The following RHOBTB3 variants were observed in gnomAD, a reference collection of about 807,000 sequenced individuals.
The protein encoded by RHOBTB3 is rho-related BTB domain-containing protein 3.
RHOBTB3 carries 47 observed loss-of-function variants against 67.2 expected under a neutral mutation model. The ratio of observed to expected loss-of-function variants is 0.70; its 90% CI spans 0.55 to 0.89. RHOBTB3 has a LOEUF of 0.89. Ranked by LOEUF, RHOBTB3 falls within the 40% of genes least tolerant of loss-of-function variation. RHOBTB3 has a pLI of 0.00. For synonymous variants in RHOBTB3, 273 were observed against 274.2 expected (o/e 1.00, Z 0.04); for missense variants, 631 against 750.0 (o/e 0.84, Z 1.85).
At chr5:95,748,279 C>G in intron 3 of RHOBTB3, 54 bp from the exon 4 acceptor site, 1 of 1,385,604 alleles carries the variant, frequency 7.2e-7, no homozygotes, top group Non-Finnish European at 9.9e-7. Flanking sequence ...GTCTGTGTAC[C>G]TTTTTTTTCC....
chr5:95,748,360 G>A lies in RHOBTB3; in HGVS notation c.443G>A (p.Cys148Tyr). The A allele has an allele frequency of 1.2e-6, 2 of 1,610,824 alleles. No individual in the cohort carries two copies. Among genetic ancestry groups the A allele is most frequent in the Non-Finnish European group, 1.7e-6 (2 of 1,178,114 alleles). The change falls in exon 4 of 12, where the codon TGT (cysteine) becomes TAT (tyrosine). Residue 148 changes from cysteine (C) to tyrosine (Y), a missense_variant. Cys to Tyr is a radical substitution (Grantham distance 194). Coordinates refer to ENST00000379982, the MANE Select transcript of RHOBTB3 (RefSeq NM_014899.4). ...GAGTTACCTTGTACATGCCCACTAT[G>A]TACCTCAGACAGAGGGAGCTGTGTT... ...NEELPCTCPL[C>Y]TSDRGSCVST...
intron 8 of RHOBTB3, chr5:95,779,947 T>A: frequency 6.0e-6 from 2 of 332,490 alleles, no homozygotes; most frequent in Non-Finnish European, 1.1e-5. Flanking sequence ...GATTGATGTT[T>A]CATTATAAAA....
At position 95,780,369 on chromosome 5, in the gene RHOBTB3, C is replaced by A; in HGVS notation, c.1400C>A (p.Ser467Tyr). 6.2e-7 allele frequency: 1 copy of A among 1,614,046 alleles called. No individual in the cohort carries two copies. The highest frequency in any genetic ancestry group is 1.1e-5 in the South Asian group (1 of 91,082). The change falls in exon 9 of 12, where the codon TCC becomes TAC. Residue 467 changes from serine (S) to tyrosine (Y), a missense_variant. By Grantham distance (144) the Ser-to-Tyr change is moderately radical. Coordinates refer to ENST00000379982, the MANE Select transcript of RHOBTB3 (RefSeq NM_014899.4). ...GTCCTGATTCCCGTTTATGGTGTTT[C>A]CAAAGAGACTTTCTTGTCATTTTTA... ...KSVLIPVYGV[S>Y]KETFLSFLEY...
chr5:95,755,866 C>T lies in RHOBTB3; in HGVS notation c.1048+105C>T, dbSNP rs1387907757. 46 of 1,050,084 alleles carry T rather than the reference C, an allele frequency of 4.4e-5. 1 individual carries two copies. Among genetic ancestry groups the T allele is most frequent in the Non-Finnish European group, 6.1e-5 (44 of 723,400 alleles). The allele number at this position is 1,050,084 out of a possible 1,614,324, so 65.0% of individuals were successfully genotyped here. A position where few individuals can be genotyped will look rare whatever the true frequency, so the allele number is the denominator to read the frequency against. ...TGGTTAGTTTTACAGTGGTCTTTAC[C>T]TACCATCTGAGATTAAGATTATACA... On this transcript the variant is annotated intron_variant, in intron 6 of 11. Coordinates refer to ENST00000379982, the MANE Select transcript of RHOBTB3 (RefSeq NM_014899.4).
At chr5:95,781,862 A>G (rs945358072) in intron 9 of RHOBTB3, 1 of 152,224 alleles carries the variant, frequency 6.6e-6, no homozygotes, top group Non-Finnish European at 1.5e-5. Flanking sequence ...AAAAAGACTT[A>G]GTATTTTTGC....
chr5:95,737,211 G>C, intron 3 of RHOBTB3, 136 bp downstream of exon 3: 1 of 571,704 alleles, frequency 1.7e-6, no homozygotes, highest in Non-Finnish European at 3.0e-6. Context: ...AGCTGCTATC[G>C]CTTCATCATT....
chr5:95,747,776 G>A (rs1471086747), intron 3 of RHOBTB3, among the ~76,000 whole-genome samples: 2 of 152,194 alleles, frequency 1.3e-5, no homozygotes, highest in Non-Finnish European at 2.9e-5. Context: ...AGAGTTTAAT[G>A]ATTGAAATGT....
intron 8 of RHOBTB3, among the ~76,000 whole-genome samples, chr5:95,776,375 C>G (rs1232684845): frequency 6.6e-6 from 1 of 151,578 alleles, no homozygotes; most frequent in African/African-American, 2.4e-5. Context: ...CCACTTTACT[C>G]TAGCCGGAAG....
chr5:95,765,941 C>T (rs1340662172), intron 7 of RHOBTB3, among the ~76,000 whole-genome samples: 2 of 152,186 alleles, frequency 1.3e-5, no homozygotes, highest in African/African-American at 4.8e-5. Context: ...GGATTACAGG[C>T]ATGAGCCACC....
At chr5:95,757,416 G>A (rs1020333861) in intron 6 of RHOBTB3, among the ~76,000 whole-genome samples, 6 of 152,196 alleles carry the variant, frequency 3.9e-5, no homozygotes, top group Admixed American at 2.0e-4. Flanking sequence ...CTGCTCTGCA[G>A]TGTGTCTGGA....
chr5:95,719,041 G>A (rs1438481379), intron 1 of RHOBTB3, among the ~76,000 whole-genome samples: 2 of 151,978 alleles, frequency 1.3e-5, no homozygotes, highest in African/African-American at 4.8e-5. Context: ...GGGAGGTGAA[G>A]GTCATCATGG....
intron 10 of RHOBTB3, among the ~76,000 whole-genome samples, chr5:95,787,301 G>C (rs899958103): frequency 1.3e-5 from 2 of 152,066 alleles, no homozygotes; most frequent in African/African-American, 4.8e-5. Context: ...ACATTCATCT[G>C]CTAAAAGATA....
intron 10 of RHOBTB3, among the ~76,000 whole-genome samples, chr5:95,787,725 A>G (rs1347226139): frequency 6.6e-6 from 1 of 152,250 alleles, no homozygotes; most frequent in Non-Finnish European, 1.5e-5. Flanking sequence ...CTTGGAAAAT[A>G]TTACCCTAAA....
At chr5:95,790,296 T>C (rs907167057) in intron 11 of RHOBTB3, among the ~76,000 whole-genome samples, 3 of 152,254 alleles carry the variant, frequency 2.0e-5, no homozygotes, top group African/African-American at 7.2e-5. Context: ...TTTAAGTAGC[T>C]GCTTCTATAG....
chr5:95,731,933 G>A lies in RHOBTB3; in HGVS notation c.77G>A (p.Arg26His). ...HQDNRPSGLIRTYLGRSPLVS... is the reference protein window; with the variant it reads ...HQDNRPSGLIHTYLGRSPLVS... ...GACAACCGGCCGTCGGGGCTTATCC[G>A]CACTTACCTGGGGAGAAGCCCTCTG... Residue 26 changes from arginine (R) to histidine (H), a missense_variant, in exon 2 of 12, where the codon CGC becomes CAC. Coordinates refer to ENST00000379982, the MANE Select transcript of RHOBTB3 (RefSeq NM_014899.4). The A allele has an allele frequency of 1.2e-6, 2 of 1,614,146 alleles. No individual in the cohort carries two copies. Among genetic ancestry groups the A allele is most frequent in the South Asian group, 1.1e-5 (1 of 91,086 alleles).
At chr5:95,737,856 G>T (rs1481556083) in intron 3 of RHOBTB3, among the ~76,000 whole-genome samples, 2 of 152,128 alleles carry the variant, frequency 1.3e-5, no homozygotes, top group African/African-American at 2.4e-5. Context: ...ACTTGAGAAG[G>T]CTCCCTCATG....
chr5:95,750,403 A>G (rs1745055927), intron 4 of RHOBTB3, among the ~76,000 whole-genome samples: 1 of 152,200 alleles, frequency 6.6e-6, no homozygotes, highest in Admixed American at 6.5e-5. Context: ...CAGTATGGCA[A>G]CCACTAGCTA....
chr5:95,726,777 A>G (rs1337766067), upstream of RHOBTB3, among the ~76,000 whole-genome samples: 1 of 152,196 alleles, frequency 6.6e-6, no homozygotes, highest in Non-Finnish European at 1.5e-5. Context: ...CCTTAGAAAC[A>G]GAAACTGCAA....
intron 9 of RHOBTB3, among the ~76,000 whole-genome samples, chr5:95,780,869 A>G (rs1746028439): frequency 6.6e-6 from 1 of 152,010 alleles, no homozygotes; most frequent in African/African-American, 2.4e-5. Flanking sequence ...ATATTCTGAG[A>G]CTTTTTTGGT....
Sources: allele counts gnomAD v4.1 joint callset (sites outside exome capture counted in the v4.1 genomes callset), GRCh38; gene constraint gnomAD v4.1.1; transcripts MANE v1.5; gene names NCBI Gene and HGNC (gene_info 2026-07-23, HGNC 2026-07-21).